Variants in ACSL3 observed in about 807,000 individuals in gnomAD.
ACSL3 encodes the protein fatty acid CoA ligase Acsl3.
Under a neutral mutation model 84.7 loss-of-function variants are expected in ACSL3, and 34 were observed. The ratio of observed to expected loss-of-function variants is 0.40; its 90% CI spans 0.31 to 0.53. The LOEUF (loss-of-function observed/expected upper bound fraction) is 0.53. ACSL3 is among the 20% of genes least tolerant of loss of function. The pLI is 0.48. For synonymous variants in ACSL3, 315 were observed against 299.4 expected (o/e 1.05, Z -0.54); for missense variants, 680 against 873.1 (o/e 0.78, Z 2.79).
intron 11 of ACSL3, among the ~76,000 whole-genome samples, chr2:222,925,078 T>C (rs1241984002): frequency 1.3e-5 from 2 of 151,188 alleles, no homozygotes; most frequent in Non-Finnish European, 2.9e-5. Flanking sequence ...GGCTCACTCC[T>C]GTAATCCCAG....
At chr2:222,909,385 C>T (rs1178900205) in intron 4 of ACSL3, among the ~76,000 whole-genome samples, 1 of 151,972 alleles carries the variant, frequency 6.6e-6, no homozygotes, top group African/African-American at 2.4e-5. Flanking sequence ...CAGTGTCTAC[C>T]AGGGTTTGGA....
intron 4 of ACSL3, among the ~76,000 whole-genome samples, chr2:222,910,554 A>ATATGGCCCATTAAT (rs1329265189): frequency 6.6e-6 from 1 of 152,212 alleles, no homozygotes; most frequent in African/African-American, 2.4e-5. Flanking sequence ...CCTCCTCTAT[A>ATATGGCCCATTAAT]TATGGCCCAT....
At chr2:222,909,219 C>A in intron 4 of ACSL3, 69 bp downstream of exon 4, 1 of 1,445,810 alleles carries the variant, frequency 6.9e-7, no homozygotes, top group Non-Finnish European at 9.4e-7. Context: ...AAGTAAAGGG[C>A]AAGCACAGCC....
rs541141828 is a variant in ACSL3 at position 222,941,772 on chromosome 2, C to T, written c.*118C>T. 163 of 1,087,778 alleles carry T rather than the reference C, an allele frequency of 1.5e-4. No individual in the cohort carries two copies. The African/African-American group carries it at 2.3e-3, about 15-fold the overall frequency. The allele number at this position is 1,087,778 out of a possible 1,614,324, so 67.4% of individuals were successfully genotyped here. A position where few individuals can be genotyped will look rare whatever the true frequency, so the allele number is the denominator to read the frequency against. On this transcript the variant is annotated 3_prime_UTR_variant, in exon 17 of 17. Coordinates refer to ENST00000357430, the MANE Select transcript of ACSL3 (RefSeq NM_004457.5). Reference sequence around the variant, plus strand: ...TTCCTCATATTAAACTATTACTTCTCATGACGTCACCATTTTTAACTGACA... The same window carrying T: ...TTCCTCATATTAAACTATTACTTCTTATGACGTCACCATTTTTAACTGACA...
chr2:222,926,908 G>A, intron 11 of ACSL3, 109 bp from the exon 12 acceptor site: 1 of 1,239,010 alleles, frequency 8.1e-7, no homozygotes, highest in Non-Finnish European at 1.1e-6. Flanking sequence ...CCTTGGATAA[G>A]TAACTTAATC....
chr2:222,871,462 TG>T (rs1236695313), intron 1 of ACSL3, among the ~76,000 whole-genome samples: 1 of 151,968 alleles, frequency 6.6e-6, no homozygotes, highest in East Asian at 1.9e-4. Context: ...GTGAAAGATG[TG>T]TAAAGTGCTT....
chr2:222,903,023 A>G (rs1436296011), intron 3 of ACSL3, among the ~76,000 whole-genome samples: 1 of 152,210 alleles, frequency 6.6e-6, no homozygotes, highest in African/African-American at 2.4e-5. Context: ...ATATGGTACT[A>G]CAAATAGAAG....
In ACSL3 at chr2:222,927,050, G is replaced by A; in HGVS notation, c.1326G>A (p.Gly442=). 6.2e-7 allele frequency: 1 copy of A among 1,613,566 alleles called. No individual in the cohort carries two copies. The highest frequency in any genetic ancestry group is 8.5e-7 in the Non-Finnish European group (1 of 1,179,578). Residue 442 remains glycine (G), a synonymous_variant, in exon 12 of 17, where the codon GGG becomes GGA. Coordinates refer to ENST00000357430, the MANE Select transcript of ACSL3 (RefSeq NM_004457.5). ...FVFRKVRSLL[G]GNIRLLLCGG... ...TCCGGAAAGTTCGAAGCTTGCTAGGGGGAAATATTCGTCTCCTGTTGTGTG... is the reference window on the plus strand; with the variant it reads ...TCCGGAAAGTTCGAAGCTTGCTAGGAGGAAATATTCGTCTCCTGTTGTGTG...
intron 2 of ACSL3, among the ~76,000 whole-genome samples, chr2:222,893,794 C>T (rs1468941038): frequency 6.6e-6 from 1 of 151,928 alleles, no homozygotes; most frequent in Non-Finnish European, 1.5e-5. Flanking sequence ...TCTGCCTCTT[C>T]TCACCTCACA....
At chr2:222,865,894 G>A in intron 1 of ACSL3, among the ~76,000 whole-genome samples, 1 of 151,912 alleles carries the variant, frequency 6.6e-6, no homozygotes. Flanking sequence ...ATTAAAAATT[G>A]CTTATCTTAC....
chr2:222,868,854 C>T (rs1695219915), intron 1 of ACSL3, among the ~76,000 whole-genome samples: 1 of 151,810 alleles, frequency 6.6e-6, no homozygotes, highest in Non-Finnish European at 1.5e-5. Flanking sequence ...CCTGTAATCC[C>T]AGCTACTTGG....
In ACSL3 at chr2:222,923,137, G is replaced by A; in HGVS notation, c.1140G>A (p.Met380Ile). The A allele has an allele frequency of 6.2e-7, 1 of 1,613,746 alleles. No individual in the cohort carries two copies. Among genetic ancestry groups the A allele is most frequent in the Middle Eastern group, 1.7e-4 (1 of 6,058 alleles). ...CATCCATGTTGAAACCAACACTGAT[G>A]GCAGCAGTTCCGGTAAGAAGTGACC... ...GDTSMLKPTL[M>I]AAVPEIMDRI... is the part of the protein sequence containing the mutation. The change falls in exon 10 of 17, where the codon ATG becomes ATA. Residue 380 changes from methionine (M) to isoleucine (I), a missense_variant. This residue lies in a region of ACSL3 where 347 missense variants were observed against 525.7 expected (regional missense o/e 0.66). Coordinates refer to ENST00000357430, the MANE Select transcript of ACSL3 (RefSeq NM_004457.5).
intron 10 of ACSL3, 48 bp downstream of exon 10, chr2:222,923,197 C>T (rs747303315): frequency 9.1e-6 from 13 of 1,431,878 alleles, no homozygotes; most frequent in South Asian, 5.8e-5. Flanking sequence ...AAGTATCACC[C>T]GCTACAAAGC....
At position 222,933,426 on chromosome 2, in the gene ACSL3, C is replaced by T. The variant is rs1697085953; in HGVS notation, c.1847+146C>T. The T allele has an allele frequency of 7.2e-6, 4 of 553,308 alleles. No individual in the cohort carries two copies. In the East Asian group the frequency reaches 1.2e-4, roughly 17 times the overall value. 34.3% of individuals were successfully genotyped at this position (553,308 alleles called of 1,614,324 possible). Reference sequence around the variant, plus strand: ...GGAATGGCCTCCTTCTCATTGCAGCCATTAGCTGACTCTTTTCCTTGTAAG... The same window carrying T: ...GGAATGGCCTCCTTCTCATTGCAGCTATTAGCTGACTCTTTTCCTTGTAAG... On this transcript the variant is annotated intron_variant, in intron 15 of 16. Transcript: ENST00000357430.
intron 1 of ACSL3, among the ~76,000 whole-genome samples, chr2:222,883,555 C>G (rs932957353): frequency 2.6e-5 from 4 of 152,142 alleles, no homozygotes; most frequent in Non-Finnish European, 5.9e-5. Flanking sequence ...GTGGCTCTGT[C>G]TAGAAGTCAG....
At chr2:222,880,560 G>T (rs1478508537) in intron 1 of ACSL3, among the ~76,000 whole-genome samples, 1 of 152,084 alleles carries the variant, frequency 6.6e-6, no homozygotes, top group Non-Finnish European at 1.5e-5. Flanking sequence ...CGGGCGCGGT[G>T]GCTCATGCCT....
At position 222,908,741 on chromosome 2, in the gene ACSL3, T is replaced by A; in HGVS notation, c.-32T>A. ...CTTTTTCTTCCTCCTAGATTCTCGC[T>A]GAAGTCTGTTAATTCTACTTTTTGA... On this transcript the variant is annotated 5_prime_UTR_variant, in exon 4 of 17. Coordinates refer to ENST00000357430, the MANE Select transcript of ACSL3 (RefSeq NM_004457.5). The A allele has an allele frequency of 6.5e-7, 1 of 1,549,322 alleles. No individual in the cohort carries two copies. The highest frequency in any genetic ancestry group is 8.6e-7 in the Non-Finnish European group (1 of 1,157,550).
chr2:222,920,626 TGTAAAGTTAGTTAGCCACACAGCA>T (rs1696706613), intron 7 of ACSL3, among the ~76,000 whole-genome samples: 1 of 152,160 alleles, frequency 6.6e-6, no homozygotes, highest in Admixed American at 6.5e-5. Context: ...TTTTTCCCCT[TGTAAAGTTAGTTAGCCACACAGCA>T]GCCAAAGTGA....
intron 13 of ACSL3, 125 bp downstream of exon 13, chr2:222,929,061 C>T (rs534895665): frequency 3.5e-5 from 23 of 664,906 alleles, no homozygotes; most frequent in South Asian, 1.2e-4. Flanking sequence ...TTGTGATAGA[C>T]GTGTTTTATC....
Sources: gnomAD v4.1 joint callset for allele counts (sites outside exome capture counted in the v4.1 genomes callset) on GRCh38, gnomAD v4.1.1 for gene constraint, gnomAD v4.1.1 regional missense constraint, MANE v1.5 for transcripts, NCBI Gene and HGNC (gene_info 2026-07-23, HGNC 2026-07-21) for gene names.